TRPC4AP: variants seen among roughly 807,000 people sequenced by gnomAD.
The protein encoded by TRPC4AP is transient receptor potential cation channel subfamily C member 4 associated protein.
In TRPC4AP, 45 loss-of-function variants were observed where a neutral mutation model predicts 99.0. The observed-to-expected ratio is 0.45, with a 90% confidence interval of 0.36 to 0.58. The LOEUF (loss-of-function observed/expected upper bound fraction) is 0.58. Among genes scored for constraint, TRPC4AP ranks in the 20% least tolerant of loss-of-function variants. TRPC4AP has a pLI of 0.00. For missense variants in TRPC4AP, 879 were observed against 985.3 expected, an observed-to-expected ratio of 0.89 and a Z score of 1.44; for synonymous variants, 408 against 385.8, an observed-to-expected ratio of 1.06 and a Z score of -0.67.
intron 2 of TRPC4AP, among the ~76,000 whole-genome samples, chr20:35,077,662 G>A (rs754188537): frequency 6.6e-6 from 1 of 152,096 alleles, no homozygotes; most frequent in Non-Finnish European, 1.5e-5. Flanking sequence ...TCTTACGTTA[G>A]TAATAATATT....
intron 8 of TRPC4AP, among the ~76,000 whole-genome samples, chr20:35,029,792 C>T (rs1332873497): frequency 4.7e-5 from 7 of 149,160 alleles, no homozygotes; most frequent in East Asian, 2.0e-4. Flanking sequence ...CCCGCCACCA[C>T]GCCCAGCTAA....
At chr20:35,032,049 C>T (rs1436879543) in intron 8 of TRPC4AP, among the ~76,000 whole-genome samples, 1 of 152,158 alleles carries the variant, frequency 6.6e-6, no homozygotes, top group Non-Finnish European at 1.5e-5. Flanking sequence ...ACCACCATGG[C>T]CATCTAGCTT....
intron 2 of TRPC4AP, among the ~76,000 whole-genome samples, chr20:35,071,066 G>A (rs6060205): frequency 0.59 from 89,237 of 151,924 alleles, 27,178 homozygotes; most frequent in Middle Eastern, 0.75. Flanking sequence ...TTTTAAACAA[G>A]TTTAAGAAGC....
chr20:35,085,746 G>C (rs2084824422), intron 1 of TRPC4AP, among the ~76,000 whole-genome samples: 1 of 151,992 alleles, frequency 6.6e-6, no homozygotes, highest in African/African-American at 2.4e-5. Flanking sequence ...TGAAGTACTT[G>C]TGGTTTAACA....
Position 35,016,039 on chromosome 20 carries a change from T to C in TRPC4AP, c.1319A>G (p.His440Arg). 1.2e-6 allele frequency: 2 copies of C among 1,614,214 alleles called. No individual in the cohort carries two copies. The highest frequency in any genetic ancestry group is 1.1e-5 in the South Asian group (1 of 91,080). The change falls in exon 10 of 19, where the codon CAT becomes CGT. Residue 440 changes from histidine to arginine, a missense_variant. Physicochemically the swap from His to Arg is conservative, Grantham distance 29. Around this residue, in one of 3 missense-constraint regions of TRPC4AP, gnomAD observed 603 missense variants for 631.8 expected, o/e 0.95. Transcript: ENST00000252015. ...RKHSASALVL[H>R]GHNQNCDCSP... The stretch of plus-strand genomic sequence containing the variant: ...ACAGTCACAGTTCTGGTTGTGACCA[T>C]GGAGGACAAGGGCAGATGCTGAATG...
intron 8 of TRPC4AP, among the ~76,000 whole-genome samples, chr20:35,026,183 T>C (rs956017570): frequency 2.6e-5 from 4 of 151,804 alleles, no homozygotes; most frequent in African/African-American, 9.7e-5. Context: ...TGCAGCTTTG[T>C]AGTAAGTTTT....
chr20:35,076,245 C>T (rs2084476619), intron 2 of TRPC4AP, among the ~76,000 whole-genome samples: 1 of 54,984 alleles, frequency 1.8e-5, no homozygotes, highest in Admixed American at 2.2e-4. Flanking sequence ...TACTGATCAT[C>T]TGAAGCCTTC....
chr20:35,021,916 T>C (rs1031446751), intron 8 of TRPC4AP, among the ~76,000 whole-genome samples: 6 of 152,232 alleles, frequency 3.9e-5, no homozygotes, highest in Non-Finnish European at 7.3e-5. Context: ...ATGAACATAT[T>C]ATCTACAGGC....
intron 12 of TRPC4AP, 125 bp from the exon 13 acceptor site, chr20:35,008,872 C>T (rs1047098907): frequency 6.0e-6 from 5 of 834,840 alleles, no homozygotes; most frequent in Non-Finnish European, 9.5e-6. Flanking sequence ...AGGATGCCTT[C>T]CTGCTCCAAC....
At chr20:35,005,574 G>A (rs545645723) in intron 16 of TRPC4AP, 121 bp downstream of exon 16, 47 of 873,046 alleles carry the variant, frequency 5.4e-5, no homozygotes, top group Middle Eastern at 4.6e-4. Context: ...CCTTGAGGCC[G>A]GCCACGTGGG....
chr20:35,012,868 C>T (rs2082668773), intron 11 of TRPC4AP, 140 bp downstream of exon 11: 1 of 787,180 alleles, frequency 1.3e-6, no homozygotes, highest in Non-Finnish European at 2.1e-6. Context: ...CAGTGTCACA[C>T]CTGCTAACAC....
chr20:35,051,319 G>C (rs1485870659), intron 5 of TRPC4AP, among the ~76,000 whole-genome samples: 1 of 152,072 alleles, frequency 6.6e-6, no homozygotes, highest in African/African-American at 2.4e-5. Flanking sequence ...TAATTTTAGA[G>C]ACAGGGTCTC....
In TRPC4AP at chr20:35,092,685, G is replaced by T; in HGVS notation, c.97C>A (p.Arg33=). 6.5e-7 allele frequency: 1 copy of T among 1,531,280 alleles called. No individual in the cohort carries two copies. Among genetic ancestry groups the T allele is most frequent in the Admixed American group, 2.0e-5 (1 of 51,198 alleles). 94.9% of individuals were successfully genotyped at this position (1,531,280 alleles called of 1,614,324 possible). A position where few individuals can be genotyped will look rare whatever the true frequency, so the allele number is the denominator to read the frequency against. Residue 33 remains arginine (R), a synonymous_variant, in exon 1 of 19, where the codon CGG becomes AGG. Coordinates refer to ENST00000252015, the MANE Select transcript of TRPC4AP (RefSeq NM_015638.3). ...AAWGGWGGRP[R]PGNILLQLRQ... ...AGCTGCAGCAGAATGTTACCAGGCCGCGGCCGGCCGCCCCATCCGCCCCAA... is the reference window on the plus strand; with the variant it reads ...AGCTGCAGCAGAATGTTACCAGGCCTCGGCCGGCCGCCCCATCCGCCCCAA...
At chr20:35,070,040 G>A (rs2084262900) in intron 2 of TRPC4AP, among the ~76,000 whole-genome samples, 1 of 152,106 alleles carries the variant, frequency 6.6e-6, no homozygotes, top group Non-Finnish European at 1.5e-5. Flanking sequence ...ATAAGGAGAA[G>A]AAATGAGGCC....
intron 1 of TRPC4AP, among the ~76,000 whole-genome samples, chr20:35,082,867 A>C (rs1313211662): frequency 6.6e-6 from 1 of 152,218 alleles, no homozygotes. Flanking sequence ...TGATAAACTC[A>C]AATAAAAAAA....
chr20:35,029,365 C>A (rs757919992), intron 8 of TRPC4AP, among the ~76,000 whole-genome samples: 1 of 152,182 alleles, frequency 6.6e-6, no homozygotes, highest in Non-Finnish European at 1.5e-5. Flanking sequence ...AGTGTGTTTT[C>A]TATAGGCTGC....
At chr20:35,071,509 C>G (rs144797168) in intron 2 of TRPC4AP, among the ~76,000 whole-genome samples, 12,331 of 149,618 alleles carry the variant, frequency 0.082, 579 homozygotes, top group South Asian at 0.13. Flanking sequence ...TCAATTCCCA[C>G]CTATGAGTGA....
chr20:35,070,764 T>C (rs2084289234), intron 2 of TRPC4AP, among the ~76,000 whole-genome samples: 1 of 152,148 alleles, frequency 6.6e-6, no homozygotes, highest in African/African-American at 2.4e-5. Context: ...TCCCACTTTG[T>C]ATTCCCCACA....
chr20:35,009,055 T>C (rs2147269065), intron 12 of TRPC4AP, among the ~76,000 whole-genome samples: 1 of 152,312 alleles, frequency 6.6e-6, no homozygotes, highest in African/African-American at 2.4e-5. Context: ...AAACAGGTCA[T>C]GCCAGTCTGC....
Sources: gnomAD v4.1 joint callset for allele counts (sites outside exome capture counted in the v4.1 genomes callset) on GRCh38, gnomAD v4.1.1 for gene constraint, gnomAD v4.1.1 regional missense constraint, MANE v1.5 for transcripts, NCBI Gene and HGNC (gene_info 2026-07-23, HGNC 2026-07-21) for gene names.